SEC14L6: variants seen among roughly 807,000 people sequenced by gnomAD.
SEC14L6 encodes the protein SEC14 like lipid binding 6.
In SEC14L6, 40 loss-of-function variants were observed where a neutral mutation model predicts 54.1. That is an observed-to-expected ratio of 0.74 (90% CI 0.57 to 0.96). The LOEUF (loss-of-function observed/expected upper bound fraction) is 0.96, where lower values mean the gene tolerates loss of function less well. Among genes scored for constraint, SEC14L6 ranks in the 40% least tolerant of loss-of-function variants. SEC14L6 has a pLI of 0.00. For missense variants in SEC14L6, 471 were observed against 498.3 expected, an observed-to-expected ratio of 0.95 and a Z score of 0.52; for synonymous variants, 171 against 198.4, an observed-to-expected ratio of 0.86 and a Z score of 1.16.
At chr22:30,532,992 A>C in intron 3 of SEC14L6, 136 bp from the exon 4 acceptor site, 2 of 1,499,894 alleles carry the variant, frequency 1.3e-6, no homozygotes, top group African/African-American at 1.4e-5. Context: ...CTCCACTGAC[A>C]TAGAACTGGG....
intron 1 of SEC14L6, among the ~76,000 whole-genome samples, chr22:30,545,031 A>G (rs1006562013): frequency 2.0e-5 from 3 of 151,708 alleles, no homozygotes; most frequent in Non-Finnish European, 2.9e-5. Flanking sequence ...CACCTACCCC[A>G]TGCAAAACCC....
chr22:30,534,154 G>A (rs1468375622), intron 2 of SEC14L6, 115 bp from the exon 3 acceptor site: 2 of 977,200 alleles, frequency 2.0e-6, no homozygotes, highest in East Asian at 2.7e-5. Context: ...GTTACCCAGA[G>A]GGCCTTGTTC....
At chr22:30,527,682 T>C (rs778012677) in intron 8 of SEC14L6, among the ~76,000 whole-genome samples, 3 of 122,702 alleles carry the variant, frequency 2.4e-5, no homozygotes, top group Non-Finnish European at 4.7e-5. Context: ...GTCACTGTAC[T>C]CCAGCCTGGG....
intron 8 of SEC14L6, among the ~76,000 whole-genome samples, chr22:30,526,929 C>G (rs978407460): frequency 6.6e-6 from 1 of 151,868 alleles, no homozygotes; most frequent in Non-Finnish European, 1.5e-5. Context: ...AGACATGACT[C>G]TACAAAAAAT....
chr22:30,543,061 A>G, intron 1 of SEC14L6: 2 of 1,598,664 alleles, frequency 1.3e-6, no homozygotes, highest in Non-Finnish European at 1.7e-6. Flanking sequence ...ACCTGACCAC[A>G]CAGTGAGCTT....
At chr22:30,543,747 C>T (rs1601905204) in intron 1 of SEC14L6, 7 of 1,577,970 alleles carry the variant, frequency 4.4e-6, no homozygotes, top group Non-Finnish European at 6.1e-6. Flanking sequence ...CTCTCTACCT[C>T]GTCCGAATCA....
chr22:30,541,531 C>T (rs549765919), intron 1 of SEC14L6, among the ~76,000 whole-genome samples: 3 of 152,222 alleles, frequency 2.0e-5, no homozygotes, highest in African/African-American at 4.8e-5. Context: ...TGGTGGCACA[C>T]GCCTGTGATC....
intron 2 of SEC14L6, 105 bp from the exon 3 acceptor site, chr22:30,534,144 G>A: frequency 1.9e-6 from 2 of 1,068,096 alleles, no homozygotes; most frequent in Non-Finnish European, 2.7e-6. Context: ...TTTGTCTCCT[G>A]TTACCCAGAG....
intron 1 of SEC14L6, among the ~76,000 whole-genome samples, chr22:30,542,194 G>T (rs1450679928): frequency 2.6e-5 from 4 of 152,288 alleles, no homozygotes; most frequent in Admixed American, 6.5e-5. Flanking sequence ...CCTCGGCACG[G>T]CTCTGAAAGG....
rs1242941926 is a variant in SEC14L6, at chr22:30,533,993, C to T, written c.174+3G>A. 24 of 1,550,542 alleles carry T rather than the reference C, an allele frequency of 1.5e-5. No individual in the cohort carries two copies. The highest frequency in any genetic ancestry group is 1.7e-5 in the Non-Finnish European group (19 of 1,146,966). On this transcript the variant is annotated splice_donor_region_variant and intron_variant, in intron 3 of 11. Transcript: ENST00000402034. The stretch of plus-strand genomic sequence containing the variant: ...GCTAGGCAGGGGGAGGTGTCAACCT[C>T]ACCTTCCTCAGCATGTCCTCTGATT...
chr22:30,525,889 C>G lies in SEC14L6; in HGVS notation c.708G>C (p.Gln236His), dbSNP rs1213444238. Reference protein sequence around the residue: ...QELTKFISPDQLPVEFGGTMT... With the variant: ...QELTKFISPDHLPVEFGGTMT... ...TGGTCCCCCCAAACTCCACGGGCAG[C>G]TGGTCGGGGCTGATGAATTTTGTCA... The change falls in exon 9 of 12, where the codon CAG becomes CAC. Residue 236 changes from glutamine to histidine, a missense_variant. Physicochemically the swap from Gln to His is conservative, Grantham distance 24 (BLOSUM62 0). Transcript: ENST00000402034. The G allele has an allele frequency of 6.2e-7, 1 of 1,613,182 alleles. No homozygotes were observed. Among genetic ancestry groups the G allele is most frequent in the African/African-American group, 1.3e-5 (1 of 74,904 alleles).
rs55700442 is a variant in SEC14L6 at position 30,543,889 on chromosome 22, G to A, written c.54+2740C>T. The A allele has an allele frequency of 2.5e-6, 4 of 1,579,208 alleles. No individual in the cohort carries two copies. The African/African-American group carries it at 5.4e-5, about 21-fold the overall frequency. The stretch of plus-strand genomic sequence containing the variant: ...GAACCTGCCCAAGGGGAAGAAGCCT[G>A]CTCCCCGGGCCGCGGAGCCCAACAA... On this transcript the variant is annotated intron_variant, in intron 1 of 11. Transcript: ENST00000402034.
chr22:30,538,130 G>A (rs529222936), intron 2 of SEC14L6, among the ~76,000 whole-genome samples: 14 of 152,018 alleles, frequency 9.2e-5, no homozygotes, highest in East Asian at 7.7e-4. Context: ...ATCTGAGGTC[G>A]GGAGTTTGAG....
In SEC14L6 at chr22:30,531,406, C is replaced by CA. The variant is rs1460194833; in HGVS notation, c.519+496dup. On this transcript the variant is annotated intron_variant, in intron 6 of 11. Coordinates refer to ENST00000402034, the MANE Select transcript of SEC14L6 (RefSeq NM_001193336.4). ...TGGGTGACAGAGCAAGACTCTGTCT[C>CA]AAAAAAAAGAAAAGAAAAGAAAAGA... 6.3e-5 allele frequency among the ~76,000 whole-genome samples: 8 copies of CA among 126,814 alleles called. No individual in the cohort carries two copies. In the East Asian group the frequency reaches 2.0e-3, roughly 32 times the overall value. 83.2% of individuals were successfully genotyped at this position (126,814 alleles called of 152,430 possible).
At chr22:30,543,340 G>T in intron 1 of SEC14L6, 6 of 1,571,378 alleles carry the variant, frequency 3.8e-6, no homozygotes, top group Non-Finnish European at 5.3e-6. Flanking sequence ...CACCTTGGAG[G>T]TTACTCAACA....
rs114531571 is a variant in SEC14L6, at chr22:30,540,481, C to T, written c.55-1579G>A. Among the ~76,000 whole-genome samples, 509 of 151,152 alleles carry T rather than the reference C, an allele frequency of 3.4e-3. 1 individual carries two copies. The highest frequency in any genetic ancestry group is 0.012 in the African/African-American group (487 of 41,128). On this transcript the variant is annotated intron_variant, in intron 1 of 11. Coordinates refer to ENST00000402034, the MANE Select transcript of SEC14L6 (RefSeq NM_001193336.4). Reference sequence around the variant, plus strand: ...CTGTAATCCCAGCACTTTGGCCAGCCGAGGCAGGTGGATTGCTTGAGCTCA... The same window carrying T: ...CTGTAATCCCAGCACTTTGGCCAGCTGAGGCAGGTGGATTGCTTGAGCTCA...
At chr22:30,545,590 T>TG (rs1016637328) in intron 1 of SEC14L6, among the ~76,000 whole-genome samples, 7 of 152,056 alleles carry the variant, frequency 4.6e-5, no homozygotes, top group African/African-American at 1.7e-4. Flanking sequence ...TTTTTAGAGA[T>TG]GGGGTCTCCC....
chr22:30,532,972 C>T (rs1244276188), intron 3 of SEC14L6, 116 bp from the exon 4 acceptor site: 1 of 1,512,074 alleles, frequency 6.6e-7, no homozygotes, highest in African/African-American at 1.4e-5. Flanking sequence ...CCTGCCAGAG[C>T]ATCCCCAGGC....
chr22:30,530,965 GACAGGGACATCC>G (rs1172812366), intron 6 of SEC14L6, among the ~76,000 whole-genome samples: 2 of 152,160 alleles, frequency 1.3e-5, no homozygotes, highest in Non-Finnish European at 2.9e-5. Context: ...AGAATATGAG[GACAGGGACATCC>G]ACAGGGACAT....
Sources: gnomAD v4.1 joint callset for allele counts (sites outside exome capture counted in the v4.1 genomes callset) on GRCh38, gnomAD v4.1.1 for gene constraint, MANE v1.5 for transcripts, NCBI Gene and HGNC (gene_info 2026-07-23, HGNC 2026-07-21) for gene names.